The following MYO7B variants were observed in gnomAD, a reference collection of about 807,000 sequenced individuals.
MYO7B encodes unconventional myosin-VIIb.
Under a neutral mutation model 259.7 loss-of-function variants are expected in MYO7B, and 212 were observed. The ratio of observed to expected loss-of-function variants is 0.82; its 90% CI spans 0.73 to 0.91. The LOEUF (loss-of-function observed/expected upper bound fraction) is 0.91. MYO7B is among the 40% of genes least tolerant of loss of function. The probability of loss-of-function intolerance (pLI) is 0.00; values close to 1 mark genes in which losing one functional copy is unlikely to be tolerated. For synonymous variants in MYO7B, 1,197 were observed against 1,166.4 expected (o/e 1.03, Z -0.54); for missense variants, 2,732 against 2,813.5 (o/e 0.97, Z 0.66).
At chr2:127,540,659 T>C (rs1409642623) in intron 1 of MYO7B, among the ~76,000 whole-genome samples, 2 of 152,212 alleles carry the variant, frequency 1.3e-5, no homozygotes, top group African/African-American at 2.4e-5. Flanking sequence ...TTGCTCTATC[T>C]CATGAAGTGG....
Position 127,627,290 on chromosome 2 carries a change from C to A in MYO7B, c.4440C>A (p.Val1480=). 2 of 1,612,950 alleles carry A rather than the reference C, an allele frequency of 1.2e-6. No individual in the cohort carries two copies. Among genetic ancestry groups the A allele is most frequent in the South Asian group, 2.2e-5 (2 of 90,954 alleles). The stretch of plus-strand genomic sequence containing the variant: ...TGCTGGAACTCTCTTTCCCAGAGGT[C>A]ATGGGTCTGGCCACCAACAGGTGCG... ...KMLLELSFPE[V]MGLATNREAQ... Residue 1480 remains valine, a synonymous_variant, in exon 33 of 48, where the codon GTC becomes GTA. Coordinates refer to ENST00000409816, the MANE Select transcript of MYO7B (RefSeq NM_001393586.1). The surrounding 1 kb of genome is among the most constrained non-coding windows in gnomAD (Gnocchi z 5.6).
chr2:127,536,781 C>T lies in MYO7B; in HGVS notation c.-24+950C>T, dbSNP rs554591967. ...TAGGATTTTAGTTCAGAGATTCACA[C>T]ACACCCTCAGTGAATCATTGTTAGG... On this transcript the variant is annotated intron_variant, in intron 1 of 47. Transcript: ENST00000409816. Among the ~76,000 whole-genome samples the T allele has an allele frequency of 7.4e-4, 113 of 152,310 alleles. 1 individual carries two copies. Among genetic ancestry groups the T allele is most frequent in the African/African-American group, 2.6e-3 (109 of 41,572 alleles).
chr2:127,539,816 T>C lies in MYO7B; in HGVS notation c.-24+3985T>C, dbSNP rs1040509502. ...TACACTGCACCCAATGTGTAGTCTTTTGTTGCTCACCCAGCTCCAGCCTTC... is the reference window on the plus strand; with the variant it reads ...TACACTGCACCCAATGTGTAGTCTTCTGTTGCTCACCCAGCTCCAGCCTTC... On this transcript the variant is annotated intron_variant, in intron 1 of 47. Transcript: ENST00000409816. This position sits in a 1 kb window ranked among gnomAD's most constrained non-coding sequence, Gnocchi z 4.0. Among the ~76,000 whole-genome samples the C allele has an allele frequency of 6.6e-6, 1 of 152,214 alleles. No homozygotes were observed. Among genetic ancestry groups the C allele is most frequent in the African/African-American group, 2.4e-5 (1 of 41,438 alleles).
rs776629251 is a variant in MYO7B, at chr2:127,634,212, G to A, written c.5548G>A (p.Val1850Met). The A allele has an allele frequency of 1.2e-6, 2 of 1,603,378 alleles. No homozygotes were observed. The highest frequency in any genetic ancestry group is 1.7e-6 in the Non-Finnish European group (2 of 1,176,884). The stretch of plus-strand genomic sequence containing the variant: ...GGTTGCCAACACACGGGTGCGGGAT[G>A]TGTGTGACAGCATTGCCACCAGGCT... ...EVVANTRVRD[V>M]CDSIATRLQL... The change falls in exon 41 of 48, where the codon GTG becomes ATG. Residue 1850 changes from valine to methionine, a missense_variant. Coordinates refer to ENST00000409816, the MANE Select transcript of MYO7B (RefSeq NM_001393586.1).
chr2:127,620,216 C>G, intron 26 of MYO7B, 124 bp from the exon 27 acceptor site: 1 of 1,168,074 alleles, frequency 8.6e-7, no homozygotes, highest in Non-Finnish European at 1.2e-6. Flanking sequence ...AGGGCCCCGG[C>G]GCTGGAGAGG....
At chr2:127,617,046 C>T (rs775397259) in intron 26 of MYO7B, among the ~76,000 whole-genome samples, 5 of 152,180 alleles carry the variant, frequency 3.3e-5, no homozygotes, top group Non-Finnish European at 7.3e-5. Context: ...TCTTTTAGAT[C>T]TGTCAGTTAC....
At chr2:127,565,610 C>T (rs562936809) in intron 4 of MYO7B, among the ~76,000 whole-genome samples, 2 of 152,372 alleles carry the variant, frequency 1.3e-5, no homozygotes, top group Admixed American at 1.3e-4. Context: ...CAGCACAGTG[C>T]CTGGCACAGT....
rs1251858661 is a variant in MYO7B at position 127,628,855 on chromosome 2, C to T, written c.4624+320C>T. 6.6e-6 allele frequency among the ~76,000 whole-genome samples: 1 copy of T among 152,244 alleles called. No homozygotes were observed. Among genetic ancestry groups the T allele is most frequent in the African/African-American group, 2.4e-5 (1 of 41,452 alleles). On this transcript the variant is annotated intron_variant, in intron 34 of 47. Coordinates refer to ENST00000409816, the MANE Select transcript of MYO7B (RefSeq NM_001393586.1). The surrounding 1 kb of genome is among the most constrained non-coding windows in gnomAD (Gnocchi z 4.8). Reference sequence around the variant, plus strand: ...AGGGAAGTTTTGAACACCATCCCCACAGCGCACTGCTGCAAAAGCACCCCA... The same window carrying T: ...AGGGAAGTTTTGAACACCATCCCCATAGCGCACTGCTGCAAAAGCACCCCA...
At chr2:127,545,937 A>G (rs1269176423) in intron 1 of MYO7B, among the ~76,000 whole-genome samples, 2 of 152,168 alleles carry the variant, frequency 1.3e-5, no homozygotes, top group Non-Finnish European at 2.9e-5. Context: ...GGCTAGCCCC[A>G]AATTCAGGGT....
Position 127,584,176 on chromosome 2 carries a change from G to A in MYO7B, c.1398G>A (p.Val466=), listed in dbSNP as rs767928776. 6.2e-7 allele frequency: 1 copy of A among 1,613,970 alleles called. No individual in the cohort carries two copies. Among genetic ancestry groups the A allele is most frequent in the Non-Finnish European group, 8.5e-7 (1 of 1,179,878 alleles). Residue 466 remains valine (V), a synonymous_variant, in exon 13 of 48, where the codon GTG becomes GTA. Coordinates refer to ENST00000409816, the MANE Select transcript of MYO7B (RefSeq NM_001393586.1). This position sits in a 1 kb window ranked among gnomAD's most constrained non-coding sequence, Gnocchi z 5.8. ...FANEHLQQFF[V]QHVFTMEQEE... Reference sequence around the variant, plus strand: ...ACGAGCACCTGCAGCAGTTCTTTGTGCAGCACGTGTTCACCATGGAGCAAG... The same window carrying A: ...ACGAGCACCTGCAGCAGTTCTTTGTACAGCACGTGTTCACCATGGAGCAAG...
intron 19 of MYO7B, among the ~76,000 whole-genome samples, chr2:127,601,856 G>T (rs1679974588): frequency 1.3e-5 from 2 of 152,024 alleles, no homozygotes; most frequent in South Asian, 2.1e-4. Context: ...GAATATCATT[G>T]TTCCCTTCAA....
chr2:127,637,057 C>G, intron 47 of MYO7B, 144 bp downstream of exon 47: 1 of 1,388,302 alleles, frequency 7.2e-7, no homozygotes, highest in Non-Finnish European at 9.9e-7. Flanking sequence ...TGGAGAGGGC[C>G]TGGGTGCATC....
chr2:127,622,833 CAG>C (rs1343551029), intron 28 of MYO7B, among the ~76,000 whole-genome samples: 3 of 152,204 alleles, frequency 2.0e-5, no homozygotes, highest in African/African-American at 7.2e-5. Context: ...GTCCTGGACT[CAG>C]ATTCCCAAGA....
chr2:127,617,147 TG>T (rs1460738560), intron 26 of MYO7B, among the ~76,000 whole-genome samples: 19 of 152,204 alleles, frequency 1.2e-4, no homozygotes, highest in Non-Finnish European at 2.4e-4. Flanking sequence ...CCAAGTCCTC[TG>T]CACATCTCAC....
At position 127,544,575 on chromosome 2, in the gene MYO7B, A is replaced by ATT. The variant is rs35578661; in HGVS notation, c.-24+8766_-24+8767dup. On this transcript the variant is annotated intron_variant, in intron 1 of 47. Transcript: ENST00000409816. ...AGGGGTGTGCCACCACGTCTGGCTAATTTTTTTTTTTTTTTTTTTTTTTGA... is the reference window on the plus strand; with the variant it reads ...AGGGGTGTGCCACCACGTCTGGCTAATTTTTTTTTTTTTTTTTTTTTTTTTGA... 9.3e-3 allele frequency among the ~76,000 whole-genome samples: 955 copies of ATT among 103,040 alleles called. 6 individuals are homozygous for ATT. Among genetic ancestry groups the ATT allele is most frequent in the South Asian group, 0.013 (34 of 2,628 alleles). 67.6% of individuals were successfully genotyped at this position (103,040 alleles called of 152,430 possible).
At position 127,620,680 on chromosome 2, in the gene MYO7B, G is replaced by A. The variant is rs2245725; in HGVS notation, c.3525+214G>A. ...GCTCCTGGCTCCTTCCAGCCCCTAC[G>A]CAGGGTCTGCAGGGCCATTTCACTT... On this transcript the variant is annotated intron_variant, in intron 27 of 47. Coordinates refer to ENST00000409816, the MANE Select transcript of MYO7B (RefSeq NM_001393586.1). 3.2e-3 allele frequency among the ~76,000 whole-genome samples: 489 copies of A among 152,290 alleles called. 2 individuals carry two copies. Among genetic ancestry groups the A allele is most frequent in the African/African-American group, 0.011 (449 of 41,570 alleles).
rs767271038 is a variant in MYO7B, at chr2:127,636,963, G to A, written c.6327+50G>A. ...CCAAGATGCATAGGACAGAGCTGCTGGAGACTGGGTTCCCCACCCTCACCC... is the reference window on the plus strand; with the variant it reads ...CCAAGATGCATAGGACAGAGCTGCTAGAGACTGGGTTCCCCACCCTCACCC... On this transcript the variant is annotated intron_variant, in intron 47 of 47. Coordinates refer to ENST00000409816, the MANE Select transcript of MYO7B (RefSeq NM_001393586.1). This position sits in a 1 kb window ranked among gnomAD's most constrained non-coding sequence, Gnocchi z 4.5. 1.9e-6 allele frequency: 3 copies of A among 1,601,226 alleles called. No individual in the cohort carries two copies. Among genetic ancestry groups the A allele is most frequent in the South Asian group, 2.2e-5 (2 of 90,800 alleles).
chr2:127,571,487 T>G (rs1678624114), intron 6 of MYO7B, among the ~76,000 whole-genome samples: 1 of 148,340 alleles, frequency 6.7e-6, no homozygotes. Context: ...TTGTTTGTTT[T>G]TTATTTTTTT....
chr2:127,611,985 G>T lies in MYO7B; in HGVS notation c.3193-265G>T, dbSNP rs1438616854. ...AACAGCCCTGAGCCCCTCCCTGGGGGCTGGTGACCCACTGAGCAGCTTTTG... is the reference window on the plus strand; with the variant it reads ...AACAGCCCTGAGCCCCTCCCTGGGGTCTGGTGACCCACTGAGCAGCTTTTG... On this transcript the variant is annotated intron_variant, in intron 24 of 47. Transcript: ENST00000409816. The surrounding 1 kb of genome is among the most constrained non-coding windows in gnomAD (Gnocchi z 5.4). Among the ~76,000 whole-genome samples the T allele has an allele frequency of 6.6e-6, 1 of 152,158 alleles. No homozygotes were observed. The highest frequency in any genetic ancestry group is 2.4e-5 in the African/African-American group (1 of 41,436).
Sources: gnomAD v4.1 joint callset for allele counts (sites outside exome capture counted in the v4.1 genomes callset) on GRCh38, gnomAD v4.1.1 for gene constraint, Gnocchi (gnomAD v3.1) non-coding constraint, MANE v1.5 for transcripts, NCBI Gene and HGNC (gene_info 2026-07-23, HGNC 2026-07-21) for gene names.